Variants in ARHGAP15 observed in about 807,000 individuals in gnomAD.
The protein encoded by ARHGAP15 is Rho GTPase activating protein 15, also known as rho GTPase-activating protein 15.
In ARHGAP15, 51 loss-of-function variants were observed where a neutral mutation model predicts 63.7. The ratio of observed to expected loss-of-function variants is 0.80; its 90% CI spans 0.64 to 1.01. ARHGAP15 has a LOEUF of 1.01. Ranked by LOEUF, ARHGAP15 falls within the 50% of genes least tolerant of loss-of-function variation. The pLI is 0.00. For missense variants in ARHGAP15, 560 were observed against 564.6 expected (o/e 0.99, Z 0.08); for synonymous variants, 191 against 193.8 (o/e 0.99, Z 0.12).
intron 2 of ARHGAP15, among the ~76,000 whole-genome samples, chr2:143,166,062 A>AAAG (rs1188467762): frequency 2.2e-4 from 33 of 151,540 alleles, no homozygotes; most frequent in African/African-American, 8.0e-4. Context: ...AGAAAGAAAG[A>AAAG]AAAAAAATAT....
Position 143,421,385 on chromosome 2 carries a change from A to G in ARHGAP15, c.475-14216A>G, listed in dbSNP as rs1323388819. 4.6e-5 allele frequency among the ~76,000 whole-genome samples: 7 copies of G among 151,986 alleles called. 1 individual carries two copies. The highest frequency in any genetic ancestry group is 1.0e-4 in the Non-Finnish European group (7 of 67,970). On this transcript the variant is annotated intron_variant, in intron 6 of 13. Coordinates refer to ENST00000295095, the MANE Select transcript of ARHGAP15 (RefSeq NM_018460.4). The stretch of plus-strand genomic sequence containing the variant: ...ATTACATATGAAGATATTTTGAAGC[A>G]TCTTATAAACAGAGAGGCAGGGAGG...
intron 1 of ARHGAP15, among the ~76,000 whole-genome samples, chr2:143,138,904 T>G (rs181844071): frequency 6.6e-6 from 1 of 152,254 alleles, no homozygotes; most frequent in East Asian, 1.9e-4. Flanking sequence ...TTAAAATTAA[T>G]TTCACTTATC....
chr2:143,515,800 T>C (rs1010306281), intron 9 of ARHGAP15, among the ~76,000 whole-genome samples: 6 of 152,178 alleles, frequency 3.9e-5, no homozygotes, highest in Non-Finnish European at 8.8e-5. Context: ...ATCTGCACAC[T>C]CTCAAATAAT....
chr2:143,305,132 G>A (rs1156964617), intron 6 of ARHGAP15, among the ~76,000 whole-genome samples: 2 of 152,046 alleles, frequency 1.3e-5, no homozygotes, highest in African/African-American at 2.4e-5. Context: ...TACACCATTG[G>A]AATACTATGC....
In ARHGAP15 at chr2:143,537,032, C is replaced by A. The variant is rs554892829; in HGVS notation, c.925+17668C>A. Among the ~76,000 whole-genome samples the A allele has an allele frequency of 3.3e-3, 507 of 151,958 alleles. 5 individuals are homozygous for A. Among genetic ancestry groups the A allele is most frequent in the African/African-American group, 0.012 (486 of 41,504 alleles). ...CTATTTCTCCACATCCTCTCCAGCA[C>A]CTGTTGTTTCCTGACTTTTTAATGA... On this transcript the variant is annotated intron_variant, in intron 10 of 13. Coordinates refer to ENST00000295095, the MANE Select transcript of ARHGAP15 (RefSeq NM_018460.4).
At chr2:143,461,877 T>C (rs561085516) in intron 8 of ARHGAP15, among the ~76,000 whole-genome samples, 2 of 152,252 alleles carry the variant, frequency 1.3e-5, no homozygotes, top group African/African-American at 4.8e-5. Flanking sequence ...CCATTAAAAA[T>C]AGACTTATCG....
chr2:143,558,591 T>C (rs546380501), intron 11 of ARHGAP15, among the ~76,000 whole-genome samples: 64 of 152,310 alleles, frequency 4.2e-4, no homozygotes, highest in African/African-American at 1.5e-3. Flanking sequence ...GGCTGAAATG[T>C]CTGTCTCTTT....
In ARHGAP15 at chr2:143,457,232, C is replaced by T. The variant is rs148441426; in HGVS notation, c.703+20190C>T. Among the ~76,000 whole-genome samples, 507 of 152,158 alleles carry T rather than the reference C, an allele frequency of 3.3e-3. 3 individuals carry two copies. Among genetic ancestry groups the T allele is most frequent in the Non-Finnish European group, 4.1e-3 (276 of 67,978 alleles). Reference sequence around the variant, plus strand: ...AATATAAAATTTAATCATAGACCAACATCCAAAAAATTATAGTGGATGTAG... The same window carrying T: ...AATATAAAATTTAATCATAGACCAATATCCAAAAAATTATAGTGGATGTAG... On this transcript the variant is annotated intron_variant, in intron 8 of 13. Coordinates refer to ENST00000295095, the MANE Select transcript of ARHGAP15 (RefSeq NM_018460.4).
At chr2:143,207,419 T>C (rs983153582) in intron 3 of ARHGAP15, among the ~76,000 whole-genome samples, 2 of 151,938 alleles carry the variant, frequency 1.3e-5, no homozygotes, top group Non-Finnish European at 2.9e-5. Context: ...TCTTTTTTGC[T>C]GCATACCCGA....
intron 12 of ARHGAP15, among the ~76,000 whole-genome samples, chr2:143,661,080 A>G (rs1681744307): frequency 6.6e-6 from 1 of 152,194 alleles, no homozygotes; most frequent in Non-Finnish European, 1.5e-5. Flanking sequence ...TGCATCTTCA[A>G]AACCAGCAAC....
chr2:143,494,811 A>G (rs1312798263), intron 9 of ARHGAP15, among the ~76,000 whole-genome samples: 3 of 152,202 alleles, frequency 2.0e-5, no homozygotes, highest in Non-Finnish European at 4.4e-5. Context: ...CACTAATCCC[A>G]TACCTCAAAT....
At chr2:143,245,621 CT>C (rs35918190) in intron 5 of ARHGAP15, among the ~76,000 whole-genome samples, 162 of 144,362 alleles carry the variant, frequency 1.1e-3, no homozygotes, top group Admixed American at 1.1e-3. Flanking sequence ...TCTTCTTCTT[CT>C]TTTTTTTTTT....
In ARHGAP15 at chr2:143,310,223, C is replaced by T. The variant is rs1237083896; in HGVS notation, c.474+59623C>T. Among the ~76,000 whole-genome samples the T allele has an allele frequency of 2.0e-5, 3 of 152,142 alleles. 1 individual carries two copies. The East Asian group carries it at 5.8e-4, about 29-fold the overall frequency. ...TTGTTTTGGTTAACAGAATGAAAAACAGCACTGTAATACTACAAGTAAAAA... is the reference window on the plus strand; with the variant it reads ...TTGTTTTGGTTAACAGAATGAAAAATAGCACTGTAATACTACAAGTAAAAA... On this transcript the variant is annotated intron_variant, in intron 6 of 13. Transcript: ENST00000295095.
intron 12 of ARHGAP15, among the ~76,000 whole-genome samples, chr2:143,702,802 T>C (rs1684150010): frequency 6.6e-6 from 1 of 152,166 alleles, no homozygotes; most frequent in South Asian, 2.1e-4. Flanking sequence ...CGTTGTCACA[T>C]GAGAACTCAT....
intron 13 of ARHGAP15, among the ~76,000 whole-genome samples, chr2:143,735,410 T>G (rs1685705785): frequency 1.3e-5 from 2 of 152,192 alleles, no homozygotes; most frequent in Non-Finnish European, 2.9e-5. Context: ...TTCTTTCCAT[T>G]TCTAAACTCT....
chr2:143,489,273 C>A (rs772932212), intron 9 of ARHGAP15, among the ~76,000 whole-genome samples: 5 of 152,196 alleles, frequency 3.3e-5, no homozygotes, highest in Non-Finnish European at 5.9e-5. Flanking sequence ...AGTTTTCATA[C>A]CGAAGCAATG....
At chr2:143,616,684 T>A (rs1175097775) in intron 11 of ARHGAP15, among the ~76,000 whole-genome samples, 1 of 152,176 alleles carries the variant, frequency 6.6e-6, no homozygotes, top group African/African-American at 2.4e-5. Flanking sequence ...CAGGTGGTAA[T>A]AGAACCATCT....
At chr2:143,218,891 G>T (rs558927367) in intron 4 of ARHGAP15, among the ~76,000 whole-genome samples, 1 of 152,294 alleles carries the variant, frequency 6.6e-6, no homozygotes, top group African/African-American at 2.4e-5. Context: ...ACATGGAAAC[G>T]ATAATGCATT....
At chr2:143,469,793 A>G (rs1691427682) in intron 8 of ARHGAP15, among the ~76,000 whole-genome samples, 1 of 152,218 alleles carries the variant, frequency 6.6e-6, no homozygotes, top group African/African-American at 2.4e-5. Context: ...TATTTTTAAA[A>G]TTAATACTAT....
Sources: gnomAD v4.1 joint callset for allele counts (sites outside exome capture counted in the v4.1 genomes callset) on GRCh38, gnomAD v4.1.1 for gene constraint, MANE v1.5 for transcripts, NCBI Gene and HGNC (gene_info 2026-07-23, HGNC 2026-07-21) for gene names.